The following MORN1 variants were observed in gnomAD, a reference collection of about 807,000 sequenced individuals.
MORN1 encodes MORN repeat-containing protein 1.
Under a neutral mutation model 61.9 loss-of-function variants are expected in MORN1, and 67 were observed. That is an observed-to-expected ratio of 1.08 (90% CI 0.89 to 1.33). The LOEUF is 1.33. Among genes scored for constraint, MORN1 ranks in the 40% most tolerant of loss-of-function variants. The pLI is 0.00. For synonymous variants in MORN1, 301 were observed against 292.0 expected (o/e 1.03, Z -0.31); for missense variants, 752 against 691.2 (o/e 1.09, Z -0.99).
intron 10 of MORN1, chr1:2,355,068 T>TGGGGCCGGCGCGG: frequency 1.4e-6 from 1 of 734,162 alleles, no homozygotes; most frequent in South Asian, 5.7e-5. Context: ...ACTCAGGCAG[T>TGGGGCCGGCGCGG]GGGGCCGGCG....
chr1:2,325,642 ATTT>A (rs529341445), intron 12 of MORN1, among the ~76,000 whole-genome samples: 57,555 of 124,796 alleles, frequency 0.46, 13,731 homozygotes, highest in East Asian at 0.73. Context: ...GCCTTTGTTG[ATTT>A]TTTTTTTTTT....
At chr1:2,386,061 T>C in intron 4 of MORN1, 164 bp from the exon 5 acceptor site, 5 of 630,146 alleles carry the variant, frequency 7.9e-6, no homozygotes, top group Non-Finnish European at 1.4e-5. Context: ...CAGACCTGGC[T>C]ACACAGAGGC....
At chr1:2,331,570 G>A (rs1466552568) in intron 12 of MORN1, among the ~76,000 whole-genome samples, 3 of 152,146 alleles carry the variant, frequency 2.0e-5, no homozygotes, top group Admixed American at 6.5e-5. Context: ...GCCTGAGGGG[G>A]ACCTGGTGGC....
chr1:2,378,546 G>A lies in MORN1; in HGVS notation c.538-3989C>T, dbSNP rs903412205. The A allele has an allele frequency of 1.0e-4, 24 of 230,602 alleles. No individual in the cohort carries two copies. In the East Asian group the frequency reaches 2.2e-3, roughly 21 times the overall value. The allele number at this position is 230,602 out of a possible 1,614,324, so 14.3% of individuals were successfully genotyped here. On this transcript the variant is annotated intron_variant, in intron 6 of 13. Coordinates refer to ENST00000378531, the MANE Select transcript of MORN1 (RefSeq NM_024848.3). Reference sequence around the variant, plus strand: ...CCGCCCAGAAGGAGCCACCTGCTCCGTGCAGTGAGCAGGTGCTCGGCACCC... The same window carrying A: ...CCGCCCAGAAGGAGCCACCTGCTCCATGCAGTGAGCAGGTGCTCGGCACCC...
chr1:2,381,856 G>A (rs1466246374), intron 6 of MORN1, among the ~76,000 whole-genome samples: 2 of 152,294 alleles, frequency 1.3e-5, no homozygotes, highest in South Asian at 2.1e-4. Flanking sequence ...CTGGGCTCCC[G>A]GGGAGGAGCT....
At chr1:2,390,879 G>T in intron 1 of MORN1, 1 of 420,718 alleles carries the variant, frequency 2.4e-6, no homozygotes, top group Non-Finnish European at 3.2e-6. Context: ...CTCCCGAGTA[G>T]CTGGAACTAC....
At chr1:2,336,314 C>T (rs1470318942) in intron 12 of MORN1, among the ~76,000 whole-genome samples, 155 bp downstream of exon 12, 2 of 152,164 alleles carry the variant, frequency 1.3e-5, no homozygotes, top group Non-Finnish European at 2.9e-5. Context: ...CCCTGGCTGG[C>T]GGGGGGGCTC....
intron 12 of MORN1, among the ~76,000 whole-genome samples, chr1:2,330,677 G>A (rs994139490): frequency 6.6e-6 from 1 of 152,252 alleles, no homozygotes; most frequent in Non-Finnish European, 1.5e-5. Flanking sequence ...GGAGGGAGGA[G>A]GAGCTTGGAT....
At position 2,368,642 on chromosome 1, in the gene MORN1, C is replaced by T. The variant is rs143932605; in HGVS notation, c.745+3839G>A. On this transcript the variant is annotated intron_variant, in intron 8 of 13. Transcript: ENST00000378531. ...AGTTCTGCCTCTTATCTCCATTTCT[C>T]CAACTAAGATCTACAAATGGCCCAT... 1.8e-4 allele frequency among the ~76,000 whole-genome samples: 27 copies of T among 152,198 alleles called. No individual in the cohort carries two copies. The East Asian group carries it at 3.1e-3, about 17-fold the overall frequency.
intron 2 of MORN1, chr1:2,388,652 G>C (rs1309374952): frequency 9.5e-6 from 3 of 314,282 alleles, no homozygotes; most frequent in Non-Finnish European, 1.8e-5. Flanking sequence ...GGTGGTACGT[G>C]TTTGTGGGTC....
chr1:2,344,140 ATG>A (rs1429179167), intron 10 of MORN1, among the ~76,000 whole-genome samples: 1 of 152,214 alleles, frequency 6.6e-6, no homozygotes, highest in Non-Finnish European at 1.5e-5. Context: ...AAAGCAGAGA[ATG>A]TGAGTCCCCA....
intron 12 of MORN1, among the ~76,000 whole-genome samples, chr1:2,327,453 A>G (rs1442683552): frequency 2.0e-5 from 3 of 151,616 alleles, no homozygotes; most frequent in Non-Finnish European, 4.4e-5. Flanking sequence ...GAAACACAGC[A>G]ACACAAACAC....
intron 8 of MORN1, among the ~76,000 whole-genome samples, chr1:2,369,372 A>AAAAG (rs1642067614): frequency 6.6e-6 from 1 of 151,620 alleles, no homozygotes. Context: ...AAAAAAAAAA[A>AAAAG]AAAGAAGACA....
intron 12 of MORN1, among the ~76,000 whole-genome samples, chr1:2,335,140 C>T (rs561244636): frequency 2.1e-4 from 32 of 152,306 alleles, no homozygotes; most frequent in Middle Eastern, 6.8e-3. Context: ...CTCCCCCATG[C>T]GTGAGTGGCA....
intron 3 of MORN1, 27 bp downstream of exon 3, chr1:2,388,212 G>C: frequency 6.4e-7 from 1 of 1,572,970 alleles, no homozygotes; most frequent in Non-Finnish European, 8.7e-7. Flanking sequence ...AGAAAGGAGT[G>C]AATGTGCCAT....
chr1:2,390,039 G>C (rs752748440), intron 1 of MORN1, 43 bp from the exon 2 acceptor site: 4 of 1,545,744 alleles, frequency 2.6e-6, no homozygotes, highest in African/African-American at 2.7e-5. Flanking sequence ...CAGACACAGA[G>C]ATGAGGGATG....
intron 10 of MORN1, among the ~76,000 whole-genome samples, chr1:2,342,853 TTTTATTTTATTTTA>T (rs1311257376): frequency 1.9e-5 from 2 of 104,390 alleles, no homozygotes; most frequent in African/African-American, 3.9e-5. Context: ...TTTTATTTTA[TTTTATTTTATTTTA>T]TTTATTTTAT....
chr1:2,390,393 G>A, intron 1 of MORN1: 1 of 981,362 alleles, frequency 1.0e-6, no homozygotes, highest in Non-Finnish European at 1.2e-6. Flanking sequence ...CAGGGGAGGA[G>A]CAGACTCTCC....
At chr1:2,378,653 C>A (rs964178516) in intron 6 of MORN1, 1 of 303,800 alleles carries the variant, frequency 3.3e-6, no homozygotes, top group Non-Finnish European at 6.5e-6. Flanking sequence ...CCCGGAGGGC[C>A]GCGCTGCTGC....
Sources: gnomAD v4.1 joint callset for allele counts (sites outside exome capture counted in the v4.1 genomes callset) on GRCh38, gnomAD v4.1.1 for gene constraint, MANE v1.5 for transcripts, NCBI Gene and HGNC (gene_info 2026-07-23, HGNC 2026-07-21) for gene names.